The following ZNF606 variants were observed in gnomAD, a reference collection of about 807,000 sequenced individuals.
ZNF606 encodes the protein zinc finger protein 328.
Under a neutral mutation model 74.9 loss-of-function variants are expected in ZNF606, and 37 were observed. The ratio of observed to expected loss-of-function variants is 0.49; its 90% CI spans 0.38 to 0.65. ZNF606 has a LOEUF of 0.65. Among genes scored for constraint, ZNF606 ranks in the 30% least tolerant of loss-of-function variants. The pLI is 0.00. For missense variants in ZNF606, 852 were observed against 952.9 expected (o/e 0.89, Z 1.39); for synonymous variants, 328 against 312.4 (o/e 1.05, Z -0.53).
rs2073033143 is a variant in ZNF606, at chr19:57,978,965, T to C, written c.1715A>G (p.Glu572Gly). The change falls in exon 7 of 7, where the codon GAA becomes GGA. Residue 572 changes from glutamate to glycine, a missense_variant. Glu to Gly is a moderately conservative substitution (Grantham distance 98). Coordinates refer to ENST00000551380, the MANE Select transcript of ZNF606 (RefSeq NM_001348022.3). This position sits in a 1 kb window ranked among gnomAD's most constrained non-coding sequence, Gnocchi z 4.4. ...GCTCCAGCTGAAGGATTTTCCACAT[T>C]CAGTACATTTATATGGTTTTGCTCC... Reference protein sequence around the residue: ...HSGAKPYKCTECGKSFSWSSH... With the variant: ...HSGAKPYKCTGCGKSFSWSSH... 6.2e-7 allele frequency: 1 copy of C among 1,614,182 alleles called. No homozygotes were observed. Among genetic ancestry groups the C allele is most frequent in the Non-Finnish European group, 8.5e-7 (1 of 1,180,018 alleles).
intron 4 of ZNF606, among the ~76,000 whole-genome samples, chr19:57,989,299 T>C (rs73937086): frequency 0.014 from 2,160 of 151,810 alleles, 62 homozygotes; most frequent in African/African-American, 0.048. Context: ...ACAGCTGCCA[T>C]TAAAAGCACA....
chr19:57,989,284 C>T (rs923783976), intron 4 of ZNF606, among the ~76,000 whole-genome samples: 1 of 151,662 alleles, frequency 6.6e-6, no homozygotes, highest in Non-Finnish European at 1.5e-5. Context: ...CAAGGAGAAT[C>T]GGTTACAGCT....
At chr19:58,000,454 T>TGA (rs1434728851) in intron 3 of ZNF606, 2 of 622,262 alleles carry the variant, frequency 3.2e-6, no homozygotes, top group Non-Finnish European at 5.9e-6. Context: ...CTCGATCTCC[T>TGA]GACCTCGTGA....
At position 58,002,789 on chromosome 19, in the gene ZNF606, G is replaced by A. The variant is rs578218695; in HGVS notation, c.-445C>T. 4.2e-4 allele frequency: 189 copies of A among 452,398 alleles called. No individual in the cohort carries two copies. The highest frequency in any genetic ancestry group is 3.7e-3 in the African/African-American group (184 of 49,658). The allele number at this position is 452,398 out of a possible 1,614,324, so 28.0% of individuals were successfully genotyped here. ...TGAGCAAAGGCCTCACCTCAGCCGC[G>A]GACAATGGCGGCTGCTTCCCCGGCG... On this transcript the variant is annotated 5_prime_UTR_variant, in exon 1 of 7. Coordinates refer to ENST00000551380, the MANE Select transcript of ZNF606 (RefSeq NM_001348022.3).
chr19:57,986,498 G>A (rs1451690681), intron 6 of ZNF606, among the ~76,000 whole-genome samples: 1 of 152,098 alleles, frequency 6.6e-6, no homozygotes, highest in Non-Finnish European at 1.5e-5. Context: ...AGGCTGAAAT[G>A]AAAGAACATT....
chr19:57,987,912 G>T (rs1198308093), intron 6 of ZNF606, among the ~76,000 whole-genome samples: 1 of 152,152 alleles, frequency 6.6e-6, no homozygotes, highest in East Asian at 1.9e-4. Context: ...GGCAATACAG[G>T]AAATAAGGAA....
Position 57,978,919 on chromosome 19 carries a change from C to T in ZNF606, c.1761G>A (p.Gln587=), listed in dbSNP as rs749641352. 5 of 1,614,172 alleles carry T rather than the reference C, an allele frequency of 3.1e-6. No homozygotes were observed. Among genetic ancestry groups the T allele is most frequent in the Non-Finnish European group, 3.4e-6 (4 of 1,180,040 alleles). ...ATGGTTTCTCTCCCGTGTGAGTTCT[C>T]TGATGGGCAATAAGATGGGAGCTCC... ...FSWSSHLIAH[Q]RTHTGEKPYN... The change falls in exon 7 of 7, where the codon CAG becomes CAA. Residue 587 remains glutamine (Q), a synonymous_variant. Coordinates refer to ENST00000551380, the MANE Select transcript of ZNF606 (RefSeq NM_001348022.3). This position sits in a 1 kb window ranked among gnomAD's most constrained non-coding sequence, Gnocchi z 4.4.
chr19:57,995,816 CAAA>C (rs954081173), intron 4 of ZNF606, among the ~76,000 whole-genome samples: 1 of 150,540 alleles, frequency 6.6e-6, no homozygotes, highest in Non-Finnish European at 1.5e-5. Context: ...GTGACTGTCT[CAAA>C]AAAAAGAAAA....
intron 6 of ZNF606, among the ~76,000 whole-genome samples, chr19:57,982,536 G>A (rs949536901): frequency 6.6e-6 from 1 of 152,136 alleles, no homozygotes. Flanking sequence ...AGGGTCTAAA[G>A]CCCCAGGCAG....
At chr19:57,998,573 G>A (rs1355819543) in intron 4 of ZNF606, 1 of 152,160 alleles carries the variant, frequency 6.6e-6, no homozygotes, top group Non-Finnish European at 1.5e-5. Context: ...AACAGGGAGT[G>A]ACTACTAATG....
chr19:57,991,578 G>A (rs768527897), intron 4 of ZNF606, among the ~76,000 whole-genome samples: 1 of 151,988 alleles, frequency 6.6e-6, no homozygotes, highest in Non-Finnish European at 1.5e-5. Context: ...TCAGGAGTTC[G>A]ATACCAGCCT....
upstream of ZNF606, chr19:58,003,275 T>G: frequency 2.2e-6 from 1 of 456,756 alleles, no homozygotes; most frequent in Non-Finnish European, 4.4e-6. Flanking sequence ...TCAGGGCTCG[T>G]TCCCAAGTCT....
intron 6 of ZNF606, among the ~76,000 whole-genome samples, chr19:57,983,782 C>T (rs898851540): frequency 6.6e-6 from 1 of 152,104 alleles, no homozygotes; most frequent in Admixed American, 6.6e-5. Flanking sequence ...TGAGCAGAGG[C>T]ATGCATGGCG....
At chr19:57,988,371 G>C in intron 5 of ZNF606, 69 bp from the exon 6 acceptor site, 1 of 1,501,908 alleles carries the variant, frequency 6.7e-7, no homozygotes, top group South Asian at 1.2e-5. Context: ...AGCTTCTCTT[G>C]CCTATTCCTC....
At chr19:57,983,232 G>A (rs1468874529) in intron 6 of ZNF606, among the ~76,000 whole-genome samples, 1 of 152,086 alleles carries the variant, frequency 6.6e-6, no homozygotes, top group Non-Finnish European at 1.5e-5. Flanking sequence ...CTGGAAGTCA[G>A]AATCTATGTG....
rs1159494660 is a variant in ZNF606, at chr19:57,990,051, C to CAAAAAAAAAAAAA, written c.178-1343_178-1331dup. On this transcript the variant is annotated intron_variant, in intron 4 of 6. Transcript: ENST00000551380. ...TGGATGACAGAGCGAGACTCCATCT[C>CAAAAAAAAAAAAA]AAAAAAAAAAAAAAAAAAAAAAAAA... is the stretch of plus-strand genomic sequence containing the variant. Among the ~76,000 whole-genome samples, 5 of 13,842 alleles carry CAAAAAAAAAAAAA rather than the reference C, an allele frequency of 3.6e-4. 2 individuals carry two copies. Among genetic ancestry groups the CAAAAAAAAAAAAA allele is most frequent in the Non-Finnish European group, 4.8e-4 (4 of 8,346 alleles). 9.1% of individuals were successfully genotyped at this position (13,842 alleles called of 152,430 possible). A position where few individuals can be genotyped will look rare whatever the true frequency, so the allele number is the denominator to read the frequency against.
At chr19:57,987,320 A>C (rs1247386818) in intron 6 of ZNF606, among the ~76,000 whole-genome samples, 2 of 152,040 alleles carry the variant, frequency 1.3e-5, no homozygotes, top group African/African-American at 4.8e-5. Flanking sequence ...ATCACAGCTC[A>C]CTACAGCCTC....
chr19:57,996,631 C>T (rs1372538169), intron 4 of ZNF606, among the ~76,000 whole-genome samples: 1 of 152,168 alleles, frequency 6.6e-6, no homozygotes, highest in East Asian at 1.9e-4. Context: ...GTCTCACAGG[C>T]TGTGGAGATG....
Position 57,999,833 on chromosome 19 carries a change from G to C in ZNF606, c.152C>G (p.Thr51Ser), listed in dbSNP as rs1272926044. The C allele has an allele frequency of 6.2e-7, 1 of 1,614,076 alleles. No individual in the cohort carries two copies. The highest frequency in any genetic ancestry group is 8.5e-7 in the Non-Finnish European group (1 of 1,180,010). The change falls in exon 4 of 7, where the codon ACT (threonine) becomes AGT (serine). Residue 51 changes from threonine to serine, a missense_variant. Thr to Ser is a moderately conservative substitution (Grantham distance 58). Around this residue, in one of 3 missense-constraint regions of ZNF606, gnomAD observed 545 missense variants for 542.5 expected, o/e 1.00. Coordinates refer to ENST00000551380, the MANE Select transcript of ZNF606 (RefSeq NM_001348022.3). The stretch of plus-strand genomic sequence containing the variant: ...CTGAACCTGGGCTGCTGGGAGCCCA[G>C]TGGCCCTCCTCCCCTCCTCCAGGCT... ...EGSLEEGRRA[T>S]GLPAAQVQEP...
Sources: gnomAD v4.1 joint callset for allele counts (sites outside exome capture counted in the v4.1 genomes callset) on GRCh38, gnomAD v4.1.1 for gene constraint, gnomAD v4.1.1 regional missense constraint, Gnocchi (gnomAD v3.1) non-coding constraint, MANE v1.5 for transcripts, NCBI Gene and HGNC (gene_info 2026-07-23, HGNC 2026-07-21) for gene names.